Variants in BCL2L14 observed in about 807,000 individuals in gnomAD.
BCL2L14 encodes the protein apoptosis facilitator Bcl-2-like protein 14.
In BCL2L14, 27 loss-of-function variants were observed where a neutral mutation model predicts 35.3. That is an observed-to-expected ratio of 0.76 (90% confidence interval 0.56 to 1.05). The LOEUF (loss-of-function observed/expected upper bound fraction) is 1.05, where lower values mean the gene tolerates loss of function less well. BCL2L14 is among the 50% of genes least tolerant of loss of function. BCL2L14 has a pLI of 0.00. For missense variants in BCL2L14, 377 were observed against 382.6 expected (o/e 0.99, Z 0.12); for synonymous variants, 139 against 145.9 (o/e 0.95, Z 0.34).
At chr12:12,088,676 T>A (rs1170022491) in intron 3 of BCL2L14, among the ~76,000 whole-genome samples, 1 of 152,214 alleles carries the variant, frequency 6.6e-6, no homozygotes, top group East Asian at 1.9e-4. Flanking sequence ...CTAAATCATT[T>A]CTTTTTAACT....
rs1949377874 is a variant in BCL2L14, at chr12:12,099,142, G to T, written c.*154G>T. ...CTGTGACTGGAGAGGCATCAGGAGA[G>T]GTCTCGTTCGTCTCCAGCTCATAAA... On this transcript the variant is annotated 3_prime_UTR_variant, in exon 6 of 6. Coordinates refer to ENST00000308721, the MANE Select transcript of BCL2L14 (RefSeq NM_138723.2). 3.2e-6 allele frequency: 2 copies of T among 616,904 alleles called. No individual in the cohort carries two copies. The highest frequency in any genetic ancestry group is 5.6e-5 in the East Asian group (2 of 35,740). 38.2% of individuals were successfully genotyped at this position (616,904 alleles called of 1,614,324 possible). A position where few individuals can be genotyped will look rare whatever the true frequency, so the allele number is the denominator to read the frequency against.
At chr12:12,092,074 C>T (rs1252380731) in intron 4 of BCL2L14, among the ~76,000 whole-genome samples, 1 of 152,178 alleles carries the variant, frequency 6.6e-6, no homozygotes, top group Non-Finnish European at 1.5e-5. Flanking sequence ...CCGAGGGGTC[C>T]TTTAGACAAC....
intron 2 of BCL2L14, chr12:12,055,104 G>A (rs1408044808): frequency 1.3e-5 from 2 of 152,208 alleles, no homozygotes; most frequent in Non-Finnish European, 2.9e-5. Context: ...GAGGGCTGGA[G>A]AGGTTGAACA....
chr12:12,083,113 C>A (rs968876803), intron 2 of BCL2L14, among the ~76,000 whole-genome samples: 8 of 152,080 alleles, frequency 5.3e-5, no homozygotes. Context: ...TACGGGCGCC[C>A]ACCACCACGC....
upstream of BCL2L14, among the ~76,000 whole-genome samples, chr12:12,068,908 A>C (rs74064606): frequency 0.01 from 1,568 of 152,302 alleles, 31 homozygotes; most frequent in African/African-American, 0.036. Flanking sequence ...TCATATGCTA[A>C]ACAAAAAGTG....
At chr12:12,088,766 T>C (rs11054677) in intron 3 of BCL2L14, among the ~76,000 whole-genome samples, 13,400 of 152,108 alleles carry the variant, frequency 0.088, 823 homozygotes, top group Non-Finnish European at 0.12. Flanking sequence ...TCCAAAGGTA[T>C]CCGTGTCTCC....
At chr12:12,068,058 C>A, upstream of BCL2L14, 1 of 396,314 alleles carries the variant, frequency 2.5e-6, no homozygotes, top group South Asian at 1.4e-4. Context: ...ATCCTCCCGC[C>A]TCAGTCTCCT....
chr12:12,069,164 A>G (rs1948627980), upstream of BCL2L14, among the ~76,000 whole-genome samples: 1 of 152,132 alleles, frequency 6.6e-6, no homozygotes, highest in African/African-American at 2.4e-5. Context: ...CTGCTTTACT[A>G]CATGTCATTT....
intron 1 of BCL2L14, 123 bp from the exon 2 acceptor site, chr12:12,079,176 C>A: frequency 1.2e-6 from 1 of 825,800 alleles, no homozygotes; most frequent in Non-Finnish European, 1.9e-6. Flanking sequence ...CCTCTCTACC[C>A]TCCAGCACAA....
chr12:12,057,770 A>AAAAAAAAAAG (rs1948454322), intron 2 of BCL2L14, among the ~76,000 whole-genome samples: 3 of 150,174 alleles, frequency 2.0e-5, no homozygotes, highest in Non-Finnish European at 4.4e-5. Context: ...AAAAAAAAAA[A>AAAAAAAAAAG]GAAGTGAAGA....
chr12:12,061,534 T>G (rs536991299), intron 2 of BCL2L14, among the ~76,000 whole-genome samples: 12 of 152,056 alleles, frequency 7.9e-5, no homozygotes, highest in African/African-American at 2.2e-4. Flanking sequence ...CTATGCCTTA[T>G]CAACCAAATT....
rs903281006 is a variant in BCL2L14 at position 12,099,052 on chromosome 12, A to G, written c.*64A>G. 4 of 1,194,532 alleles carry G rather than the reference A, an allele frequency of 3.3e-6. No individual in the cohort carries two copies. The African/African-American group carries it at 6.0e-5, about 18-fold the overall frequency. 74.0% of individuals were successfully genotyped at this position (1,194,532 alleles called of 1,614,324 possible). A position where few individuals can be genotyped will look rare whatever the true frequency, so the allele number is the denominator to read the frequency against. ...GTGGTCCTGTGCACGTTGGCCTCAG[A>G]TGGACTACAGGAGATTACAACGTAC... On this transcript the variant is annotated 3_prime_UTR_variant, in exon 6 of 6. Coordinates refer to ENST00000308721, the MANE Select transcript of BCL2L14 (RefSeq NM_138723.2).
chr12:12,089,988 G>A (rs1468496903), intron 3 of BCL2L14, among the ~76,000 whole-genome samples: 7 of 152,000 alleles, frequency 4.6e-5, no homozygotes, highest in Non-Finnish European at 1.0e-4. Context: ...CTTAGATATG[G>A]GCCACAAATT....
chr12:12,064,456 C>G (rs1374366303), intron 2 of BCL2L14, among the ~76,000 whole-genome samples: 1 of 151,918 alleles, frequency 6.6e-6, no homozygotes, highest in African/African-American at 2.4e-5. Flanking sequence ...ATCTCAGTTT[C>G]TTCATATGTA....
chr12:12,060,630 CG>C (rs1948509841), intron 2 of BCL2L14, among the ~76,000 whole-genome samples: 1 of 49,798 alleles, frequency 2.0e-5, no homozygotes, highest in Non-Finnish European at 3.7e-5. Context: ...AGCGTCCAGG[CG>C]TTCCTCCAGA....
intron 3 of BCL2L14, 45 bp from the exon 4 acceptor site, chr12:12,090,734 T>C: frequency 6.6e-7 from 1 of 1,514,158 alleles, no homozygotes; most frequent in Non-Finnish European, 9.1e-7. Flanking sequence ...TGTAAGATTA[T>C]TTTTTGCTTC....
chr12:12,059,614 C>T (rs1008403803), intron 2 of BCL2L14, among the ~76,000 whole-genome samples: 1 of 151,870 alleles, frequency 6.6e-6, no homozygotes, highest in African/African-American at 2.4e-5. Flanking sequence ...GCAAGAACCC[C>T]CTACCCCTTC....
chr12:12,065,820 C>A (rs2136721296), intron 2 of BCL2L14, among the ~76,000 whole-genome samples: 1 of 149,518 alleles, frequency 6.7e-6, no homozygotes, highest in South Asian at 2.1e-4. Flanking sequence ...GAGGCGAAGT[C>A]TCGCTCTGTT....
chr12:12,059,914 T>C (rs780273110), intron 2 of BCL2L14, among the ~76,000 whole-genome samples: 6 of 152,168 alleles, frequency 3.9e-5, no homozygotes, highest in Non-Finnish European at 5.9e-5. Flanking sequence ...AGATGCCTGA[T>C]GTCCAGGCAT....
Sources: gnomAD v4.1 joint callset for allele counts (sites outside exome capture counted in the v4.1 genomes callset) on GRCh38, gnomAD v4.1.1 for gene constraint, MANE v1.5 for transcripts, NCBI Gene and HGNC (gene_info 2026-07-23, HGNC 2026-07-21) for gene names.